BAHCC1: variants seen among roughly 807,000 people sequenced by gnomAD.
The protein encoded by BAHCC1 is BAH and coiled-coil domain-containing protein 1.
Under a neutral mutation model 88.2 loss-of-function variants are expected in BAHCC1, and 43 were observed. The observed-to-expected ratio is 0.49, with a 90% CI of 0.38 to 0.63. The LOEUF (loss-of-function observed/expected upper bound fraction) is 0.63. Among genes scored for constraint, BAHCC1 ranks in the 20% least tolerant of loss-of-function variants. The pLI, the probability that BAHCC1 is intolerant of heterozygous loss-of-function variation, is 0.00. For synonymous variants in BAHCC1, 1,510 were observed against 745.5 expected (o/e 2.03, Z -16.71); for missense variants, 3,023 against 1,654.8 (o/e 1.83, Z -14.34).
chr17:81,453,159 G>T (rs893924291), intron 14 of BAHCC1, among the ~76,000 whole-genome samples: 2 of 152,210 alleles, frequency 1.3e-5, no homozygotes, highest in African/African-American at 4.8e-5. Context: ...GTCCCCGCCC[G>T]GCCCCCCTGG....
At chr17:81,460,073 G>A (rs980801980) in intron 23 of BAHCC1, among the ~76,000 whole-genome samples, 2 of 152,152 alleles carry the variant, frequency 1.3e-5, no homozygotes, top group Admixed American at 6.5e-5. Context: ...GTGGGGTGAC[G>A]GTGGCATCAC....
chr17:81,412,448 T>C (rs1406001171), intron 2 of BAHCC1, among the ~76,000 whole-genome samples: 1 of 152,084 alleles, frequency 6.6e-6, no homozygotes, highest in African/African-American at 2.4e-5. Flanking sequence ...TTCTAACAAG[T>C]TGAGAGTTTG....
intron 10 of BAHCC1, among the ~76,000 whole-genome samples, chr17:81,446,144 A>G (rs8064926): frequency 0.18 from 27,917 of 151,914 alleles, 2,925 homozygotes; most frequent in East Asian, 0.32. Flanking sequence ...TCCACTCCCC[A>G]CCAGCCTATT....
At chr17:81,438,325 G>A in intron 3 of BAHCC1, 45 bp from the exon 4 acceptor site, 1 of 775,006 alleles carries the variant, frequency 1.3e-6, no homozygotes, top group South Asian at 1.4e-5. Context: ...GTGTGGGCCA[G>A]GGGGCTGGGA....
Position 81,399,545 on chromosome 17 carries a change from G to T in BAHCC1, c.-195G>T, listed in dbSNP as rs781882592. On this transcript the variant is annotated 5_prime_UTR_variant, in exon 2 of 28. Transcript: ENST00000675386. This position sits in a 1 kb window ranked among gnomAD's most constrained non-coding sequence, Gnocchi z 4.5. ...TTTTGCCTCCACAGACCATGGACCC[G>T]CACAGCGGCCGCTGGCTCGGTGCGC... 2.6e-6 allele frequency: 1 copy of T among 385,652 alleles called. No homozygotes were observed. Among genetic ancestry groups the T allele is most frequent in the Admixed American group, 3.0e-5 (1 of 33,200 alleles). 23.9% of individuals were successfully genotyped at this position (385,652 alleles called of 1,614,324 possible). A position where few individuals can be genotyped will look rare whatever the true frequency, so the allele number is the denominator to read the frequency against.
At chr17:81,460,779 G>T in intron 25 of BAHCC1, 73 bp downstream of exon 25, 1 of 773,994 alleles carries the variant, frequency 1.3e-6, no homozygotes, top group Non-Finnish European at 2.4e-6. Context: ...CAGGAGGCCC[G>T]TGGGGTAGGC....
intron 2 of BAHCC1, chr17:81,402,927 C>T (rs1555646301): frequency 6.6e-6 from 1 of 152,238 alleles, no homozygotes; most frequent in African/African-American, 2.4e-5. Context: ...TGGTAAAGTG[C>T]TGTTCCAGTA....
chr17:81,436,942 G>C (rs2064345512), intron 3 of BAHCC1, among the ~76,000 whole-genome samples: 1 of 152,222 alleles, frequency 6.6e-6, no homozygotes, highest in Non-Finnish European at 1.5e-5. Context: ...TGCATTCTTG[G>C]AGCTGGTGAC....
intron 11 of BAHCC1, 66 bp from the exon 12 acceptor site, chr17:81,451,602 A>C: frequency 1.4e-6 from 1 of 700,840 alleles, no homozygotes; most frequent in South Asian, 1.5e-5. Context: ...CAGGGCTGAC[A>C]TCAAGAGCCT....
At position 81,445,296 on chromosome 17, in the gene BAHCC1, G is replaced by A. The variant is rs563290718; in HGVS notation, c.2836-58G>A. The A allele has an allele frequency of 3.6e-5, 26 of 731,726 alleles. No homozygotes were observed. In the East Asian group the frequency reaches 6.8e-4, roughly 19 times the overall value. 45.3% of individuals were successfully genotyped at this position (731,726 alleles called of 1,614,324 possible). A position where few individuals can be genotyped will look rare whatever the true frequency, so the allele number is the denominator to read the frequency against. On this transcript the variant is annotated intron_variant, in intron 9 of 27. Transcript: ENST00000675386. ...CTCTGGCAGGATGAACCCAAGCAGG[G>A]GGCCCACTGGGGTCAGGGGATCCTG... is the stretch of plus-strand genomic sequence containing the variant.
At chr17:81,430,379 G>T (rs1047173259) in intron 3 of BAHCC1, among the ~76,000 whole-genome samples, 1 of 152,134 alleles carries the variant, frequency 6.6e-6, no homozygotes, top group Non-Finnish European at 1.5e-5. Flanking sequence ...CCATGGGGGC[G>T]GCAGGCACAC....
At chr17:81,415,701 C>A in intron 2 of BAHCC1, 1 of 372,836 alleles carries the variant, frequency 2.7e-6, no homozygotes, top group Admixed American at 3.3e-5. Flanking sequence ...TGGAGCTCTC[C>A]CGGCCAACAT....
In BAHCC1 at chr17:81,434,545, TCTGTGGCCCCAAG is replaced by T. The variant is rs2064310270; in HGVS notation, c.359-3824_359-3812del. 1.3e-5 allele frequency among the ~76,000 whole-genome samples: 2 copies of T among 152,092 alleles called. No homozygotes were observed. The highest frequency in any genetic ancestry group is 2.9e-5 in the Non-Finnish European group (2 of 67,980). ...AGCCTGCAGCATCCTGGCCCTGAGC[TCTGTGGCCCCAAG>T]TGGGGCTTCCTGGGTGACCCTGCAG... On this transcript the variant is annotated intron_variant, in intron 3 of 27. Coordinates refer to ENST00000675386, the MANE Select transcript of BAHCC1 (RefSeq NM_001377448.1). This position sits in a 1 kb window ranked among gnomAD's most constrained non-coding sequence, Gnocchi z 4.9.
At position 81,409,793 on chromosome 17, in the gene BAHCC1, C is replaced by A. The variant is rs148260577; in HGVS notation, c.178+9876C>A. 5.1e-3 allele frequency among the ~76,000 whole-genome samples: 775 copies of A among 152,344 alleles called. 4 individuals carry two copies. Among genetic ancestry groups the A allele is most frequent in the African/African-American group, 0.017 (723 of 41,576 alleles). The stretch of plus-strand genomic sequence containing the variant: ...GCCGGCCCTGCAAGCACCTCCCCAG[C>A]AGGCTGGGCTGTGCCAGCGAGGGGG... On this transcript the variant is annotated intron_variant, in intron 2 of 27. Coordinates refer to ENST00000675386, the MANE Select transcript of BAHCC1 (RefSeq NM_001377448.1).
chr17:81,440,926 G>A lies in BAHCC1; in HGVS notation c.482-905G>A, dbSNP rs553316051. ...CAGCAGGTGGGTGAGCCCTTCCTCC[G>A]CGACCCACCCGTCCTTCCTCGCCTC... On this transcript the variant is annotated intron_variant, in intron 4 of 27. Coordinates refer to ENST00000675386, the MANE Select transcript of BAHCC1 (RefSeq NM_001377448.1). Among the ~76,000 whole-genome samples, 7 of 152,322 alleles carry A rather than the reference G, an allele frequency of 4.6e-5. No homozygotes were observed. In the East Asian group the frequency reaches 5.8e-4, roughly 13 times the overall value.
intron 3 of BAHCC1, among the ~76,000 whole-genome samples, chr17:81,431,954 G>A (rs1319775534): frequency 6.6e-6 from 1 of 152,226 alleles, no homozygotes; most frequent in Non-Finnish European, 1.5e-5. Flanking sequence ...CCGCAGGACA[G>A]GGCAGGACTG....
At chr17:81,438,835 C>G (rs150272279) in intron 4 of BAHCC1, among the ~76,000 whole-genome samples, 1 of 152,020 alleles carries the variant, frequency 6.6e-6, no homozygotes, top group Non-Finnish European at 1.5e-5. Flanking sequence ...CCCAGCAGCC[C>G]GGGGATGGTG....
rs1598521597 is a variant in BAHCC1, at chr17:81,464,215, G to C, written c.*398G>C. ...CTATTTATTTCTCTATGTAAATATTGTATTTCTGCGGGGAAATTTTATGGT... is the reference window on the plus strand; with the variant it reads ...CTATTTATTTCTCTATGTAAATATTCTATTTCTGCGGGGAAATTTTATGGT... On this transcript the variant is annotated 3_prime_UTR_variant, in exon 28 of 28. Transcript: ENST00000675386. 1 of 270,532 alleles carries C rather than the reference G, an allele frequency of 3.7e-6. No homozygotes were observed. The highest frequency in any genetic ancestry group is 5.2e-5 in the South Asian group (1 of 19,184). The allele number at this position is 270,532 out of a possible 1,614,324, so 16.8% of individuals were successfully genotyped here.
chr17:81,445,724 A>G (rs2064514440), intron 10 of BAHCC1, 43 bp downstream of exon 10: 2 of 707,250 alleles, frequency 2.8e-6, no homozygotes, highest in Non-Finnish European at 5.3e-6. Context: ...CTCCGCTCCA[A>G]GCCCTCCCAC....
Sources: gnomAD v4.1 joint callset for allele counts (sites outside exome capture counted in the v4.1 genomes callset) on GRCh38, gnomAD v4.1.1 for gene constraint, Gnocchi (gnomAD v3.1) non-coding constraint, MANE v1.5 for transcripts, NCBI Gene and HGNC (gene_info 2026-07-23, HGNC 2026-07-21) for gene names.